Variants in NAA16 observed in about 807,000 individuals in gnomAD.
NAA16 encodes NARG1-like protein.
A neutral mutation model predicts 110.3 loss-of-function variants in NAA16; 97 were observed. That is an observed-to-expected ratio of 0.88 (90% CI 0.75 to 1.04). The LOEUF (loss-of-function observed/expected upper bound fraction) is 1.04, where lower values mean the gene tolerates loss of function less well. NAA16 is among the 50% of genes least tolerant of loss of function. The pLI is 0.00. For synonymous variants in NAA16, 372 were observed against 330.6 expected (o/e 1.13, Z -1.36); for missense variants, 1,017 against 1,005.1 (o/e 1.01, Z -0.16).
intron 9 of NAA16, among the ~76,000 whole-genome samples, chr13:41,339,004 A>G (rs186000576): frequency 5.3e-4 from 80 of 152,330 alleles, no homozygotes; most frequent in Middle Eastern, 3.4e-3. Context: ...ACAAACAGCT[A>G]TTGTTTGTAA....
At chr13:41,311,607 C>G in intron 1 of NAA16, 25 bp downstream of exon 1, 2 of 1,596,832 alleles carry the variant, frequency 1.3e-6, no homozygotes, top group Non-Finnish European at 1.7e-6. Context: ...GCCGCGCTGC[C>G]GCCCCCCGGT....
intron 15 of NAA16, among the ~76,000 whole-genome samples, chr13:41,371,109 A>T (rs2043307841): frequency 6.6e-6 from 1 of 152,216 alleles, no homozygotes; most frequent in South Asian, 2.1e-4. Context: ...AACCTGGAGA[A>T]ATTCAAGAGC....
At chr13:41,372,580 T>TGACTTTGATAGCCAGAGTC in intron 16 of NAA16, 152 bp from the exon 17 acceptor site, 2 of 1,326,980 alleles carry the variant, frequency 1.5e-6, no homozygotes, top group Non-Finnish European at 9.6e-7. Context: ...AAGCCATAGT[T>TGACTTTGATAGCCAGAGTC]GACTTTGATA....
intron 8 of NAA16, among the ~76,000 whole-genome samples, chr13:41,334,270 AGGAAAT>A (rs1297534929): frequency 6.6e-6 from 1 of 152,208 alleles, no homozygotes; most frequent in East Asian, 1.9e-4. Flanking sequence ...CAGAACAATA[AGGAAAT>A]TTTCTAACAC....
At chr13:41,357,261 C>T (rs908221711) in intron 10 of NAA16, among the ~76,000 whole-genome samples, 2 of 152,178 alleles carry the variant, frequency 1.3e-5, no homozygotes, top group Non-Finnish European at 2.9e-5. Flanking sequence ...TTCCAGGCTA[C>T]AGTTAGTTAT....
chr13:41,324,698 A>T (rs1593424698), intron 5 of NAA16, among the ~76,000 whole-genome samples: 4 of 146,642 alleles, frequency 2.7e-5, no homozygotes, highest in Non-Finnish European at 1.5e-5. Context: ...TTTTTCCTTT[A>T]CTTTTTTTCT....
chr13:41,368,550 T>C (rs2043251598), intron 14 of NAA16, among the ~76,000 whole-genome samples: 1 of 152,144 alleles, frequency 6.6e-6, no homozygotes, highest in South Asian at 2.1e-4. Flanking sequence ...TCTAAAAGCT[T>C]TTATATGGGT....
chr13:41,358,632 G>A (rs1169187705), intron 11 of NAA16, 159 bp downstream of exon 11: 6 of 1,437,444 alleles, frequency 4.2e-6, no homozygotes, highest in Non-Finnish European at 5.5e-6. Flanking sequence ...TAATCAATGT[G>A]TAATTAGATG....
Position 41,376,912 on chromosome 13 carries a change from G to A in NAA16, c.*1310G>A, listed in dbSNP as rs2043435374. ...CATTCAAAAAGGGAGATTTTATTTA[G>A]ACACACATTTTCTTTTCACCCTAAT... On this transcript the variant is annotated 3_prime_UTR_variant, in exon 20 of 20. Transcript: ENST00000379406. 6.6e-6 allele frequency: 1 copy of A among 152,014 alleles called. No homozygotes were observed. Among genetic ancestry groups the A allele is most frequent in the Admixed American group, 6.6e-5 (1 of 15,260 alleles). 9.4% of individuals were successfully genotyped at this position (152,014 alleles called of 1,614,324 possible).
chr13:41,374,587 A>G, intron 18 of NAA16, 155 bp from the exon 19 acceptor site: 1 of 546,694 alleles, frequency 1.8e-6, no homozygotes, highest in South Asian at 2.5e-5. Context: ...GTAGGGAAGA[A>G]ATGTCACACT....
At chr13:41,370,008 G>A (rs536757812) in intron 15 of NAA16, among the ~76,000 whole-genome samples, 20 of 152,274 alleles carry the variant, frequency 1.3e-4, no homozygotes, top group Non-Finnish European at 2.4e-4. Flanking sequence ...TACCTTATAT[G>A]TCTTACTAGA....
intron 1 of NAA16, among the ~76,000 whole-genome samples, 156 bp downstream of exon 1, chr13:41,311,738 T>C (rs1226275084): frequency 6.6e-6 from 1 of 152,172 alleles, no homozygotes; most frequent in African/African-American, 2.4e-5. Flanking sequence ...ACTTTCCCGC[T>C]CCGGCCGGCC....
At chr13:41,329,762 A>C (rs142300107) in intron 7 of NAA16, among the ~76,000 whole-genome samples, 4 of 152,136 alleles carry the variant, frequency 2.6e-5, no homozygotes, top group Admixed American at 2.0e-4. Context: ...ATATGTGTGA[A>C]GGCTGAAAAC....
chr13:41,312,838 A>T (rs528851474), intron 1 of NAA16, among the ~76,000 whole-genome samples: 5 of 152,204 alleles, frequency 3.3e-5, no homozygotes, highest in Non-Finnish European at 7.3e-5. Context: ...ATAATAAGAT[A>T]CAAATGTGAG....
chr13:41,340,837 C>T (rs9566744), intron 9 of NAA16, among the ~76,000 whole-genome samples: 19,795 of 151,572 alleles, frequency 0.13, 1,472 homozygotes, highest in East Asian at 0.23. Flanking sequence ...CCACCGTGCC[C>T]GGCTAATTTT....
At chr13:41,325,895 A>G (rs770621763) in intron 6 of NAA16, 44 bp downstream of exon 6, 2 of 1,485,450 alleles carry the variant, frequency 1.3e-6, no homozygotes, top group Non-Finnish European at 1.8e-6. Flanking sequence ...ACAGAAAACA[A>G]AAAAACTATA....
chr13:41,345,527 CTT>C (rs2042658684), intron 9 of NAA16, among the ~76,000 whole-genome samples: 1 of 152,016 alleles, frequency 6.6e-6, no homozygotes, highest in African/African-American at 2.4e-5. Flanking sequence ...GGTTATTTCT[CTT>C]TTTATTGTTC....
At chr13:41,361,512 CTT>C (rs1444881923) in intron 12 of NAA16, among the ~76,000 whole-genome samples, 1 of 152,186 alleles carries the variant, frequency 6.6e-6, no homozygotes, top group Non-Finnish European at 1.5e-5. Context: ...GAAATAAAAA[CTT>C]TGGTGTTTAA....
At position 41,355,135 on chromosome 13, in the gene NAA16, C is replaced by T. The variant is rs778976356; in HGVS notation, c.1015-9C>T. The T allele has an allele frequency of 2.0e-6, 3 of 1,524,432 alleles. No homozygotes were observed. Among genetic ancestry groups the T allele is most frequent in the Admixed American group, 2.0e-5 (1 of 49,352 alleles). The allele number at this position is 1,524,432 out of a possible 1,614,324, so 94.4% of individuals were successfully genotyped here. On this transcript the variant is annotated splice_polypyrimidine_tract_variant and intron_variant, in intron 9 of 19. Transcript: ENST00000379406. ...ATTTTTAAATTTTAAAAATATGTTT[C>T]TTTAACAGGTTTCTATAATCCAGGA...
Sources: gnomAD v4.1 joint callset for allele counts (sites outside exome capture counted in the v4.1 genomes callset) on GRCh38, gnomAD v4.1.1 for gene constraint, MANE v1.5 for transcripts, NCBI Gene and HGNC (gene_info 2026-07-23, HGNC 2026-07-21) for gene names.